The following ADAMTSL1 variants were observed in gnomAD, a reference collection of about 807,000 sequenced individuals.
ADAMTSL1 encodes ADAMTS like 1.
ADAMTSL1 carries 126 observed loss-of-function variants against 201.8 expected under a neutral mutation model. The observed-to-expected ratio is 0.62, with a 90% CI of 0.54 to 0.72. ADAMTSL1 has a LOEUF of 0.72. ADAMTSL1 is among the 30% of genes least tolerant of loss of function. The pLI, the probability that ADAMTSL1 is intolerant of heterozygous loss-of-function variation, is 0.00. For missense variants in ADAMTSL1, 2,679 were observed against 2,277.8 expected (o/e 1.18, Z -3.59); for synonymous variants, 1,121 against 903.4 (o/e 1.24, Z -4.32).
At chr9:18,023,992 C>T (rs1025491017) in intron 1 of ADAMTSL1, among the ~76,000 whole-genome samples, 4 of 151,948 alleles carry the variant, frequency 2.6e-5, no homozygotes, top group African/African-American at 9.7e-5. Context: ...GATCTTTATT[C>T]AAATGTCTCC....
intron 2 of ADAMTSL1, among the ~76,000 whole-genome samples, chr9:18,296,778 T>C (rs1308063059): frequency 6.6e-6 from 1 of 152,202 alleles, no homozygotes. Context: ...AGATCATCCT[T>C]GAGCAAGAAA....
intron 2 of ADAMTSL1, among the ~76,000 whole-genome samples, chr9:18,212,863 A>G (rs918707224): frequency 6.0e-4 from 91 of 152,238 alleles, no homozygotes; most frequent in African/African-American, 2.1e-3. Flanking sequence ...TTTCCCCACA[A>G]TGGTCATAAG....
At chr9:18,401,830 A>G (rs749223763) in intron 2 of ADAMTSL1, among the ~76,000 whole-genome samples, 4 of 152,176 alleles carry the variant, frequency 2.6e-5, no homozygotes, top group Non-Finnish European at 2.9e-5. Context: ...TGCTTCTGAT[A>G]TGCTTCCCCT....
intron 2 of ADAMTSL1, among the ~76,000 whole-genome samples, chr9:18,356,709 A>T (rs1042237646): frequency 2.0e-5 from 3 of 151,860 alleles, no homozygotes; most frequent in African/African-American, 7.3e-5. Flanking sequence ...CATATAACCA[A>T]AGTCAGGATG....
intron 1 of ADAMTSL1, among the ~76,000 whole-genome samples, chr9:18,119,960 A>G (rs79078589): frequency 0.02 from 3,050 of 152,316 alleles, 100 homozygotes; most frequent in African/African-American, 0.07. Flanking sequence ...AATTCATTAT[A>G]TATAGGCCAT....
At position 18,222,469 on chromosome 9, in the gene ADAMTSL1, T is replaced by C. The variant is rs145632343; in HGVS notation, c.207+58488T>C. Reference sequence around the variant, plus strand: ...ATCATCTAAGGTTAATAAATATCTTTAATCACCTTACAAATAAATTCATTT... The same window carrying C: ...ATCATCTAAGGTTAATAAATATCTTCAATCACCTTACAAATAAATTCATTT... On this transcript the variant is annotated intron_variant, in intron 2 of 29. Transcript: ENST00000680146. Among the ~76,000 whole-genome samples, 457 of 151,988 alleles carry C rather than the reference T, an allele frequency of 3.0e-3. 2 individuals carry two copies. Among genetic ancestry groups the C allele is most frequent in the African/African-American group, 0.011 (444 of 41,568 alleles).
At chr9:18,564,949 C>T (rs79295156) in intron 3 of ADAMTSL1, among the ~76,000 whole-genome samples, 1,892 of 152,246 alleles carry the variant, frequency 0.012, 17 homozygotes, top group Non-Finnish European at 0.022. Context: ...GGATTCCAAA[C>T]GTCTGCATTC....
intron 2 of ADAMTSL1, among the ~76,000 whole-genome samples, chr9:18,211,127 A>G (rs991504077): frequency 3.3e-5 from 5 of 152,134 alleles, no homozygotes; most frequent in African/African-American, 1.2e-4. Flanking sequence ...AAATTTTTAA[A>G]CACTCCTAAT....
chr9:18,728,011 A>C (rs1425854632), intron 15 of ADAMTSL1, among the ~76,000 whole-genome samples: 2 of 152,018 alleles, frequency 1.3e-5, no homozygotes, highest in Admixed American at 6.6e-5. Context: ...ACCCAGGAGG[A>C]GGAAGTTACG....
intron 3 of ADAMTSL1, among the ~76,000 whole-genome samples, chr9:18,566,323 A>G (rs1261192595): frequency 6.6e-6 from 1 of 152,202 alleles, no homozygotes; most frequent in Non-Finnish European, 1.5e-5. Flanking sequence ...CTGGTATGTA[A>G]CAGAAAGCCA....
chr9:17,931,006 C>G (rs1198536007), intron 1 of ADAMTSL1, among the ~76,000 whole-genome samples: 3 of 152,152 alleles, frequency 2.0e-5, no homozygotes, highest in African/African-American at 7.2e-5. Flanking sequence ...TCCCACATCA[C>G]CTGATAAGTC....
intron 1 of ADAMTSL1, among the ~76,000 whole-genome samples, chr9:18,085,517 T>C (rs1262143243): frequency 6.6e-6 from 1 of 151,020 alleles, no homozygotes; most frequent in Non-Finnish European, 1.5e-5. Flanking sequence ...TGCATATATA[T>C]ATACTGTATG....
At chr9:18,675,825 A>C in intron 9 of ADAMTSL1, 32 bp from the exon 10 acceptor site, 1 of 1,600,888 alleles carries the variant, frequency 6.2e-7, no homozygotes. Flanking sequence ...TGTACCTTCT[A>C]CTCAGAGGGT....
At chr9:18,019,842 G>A (rs1173729651) in intron 1 of ADAMTSL1, among the ~76,000 whole-genome samples, 3 of 152,048 alleles carry the variant, frequency 2.0e-5, no homozygotes, top group African/African-American at 7.2e-5. Flanking sequence ...ATAGAGTAGA[G>A]TCCAAAGCCT....
At chr9:17,993,439 A>G (rs949825585) in intron 1 of ADAMTSL1, among the ~76,000 whole-genome samples, 7 of 143,290 alleles carry the variant, frequency 4.9e-5, no homozygotes, top group African/African-American at 8.2e-5. Flanking sequence ...TACAAGGAAT[A>G]TAATAAGAGC....
At chr9:17,980,854 C>T (rs1818661590) in intron 1 of ADAMTSL1, among the ~76,000 whole-genome samples, 1 of 152,172 alleles carries the variant, frequency 6.6e-6, no homozygotes, top group Non-Finnish European at 1.5e-5. Context: ...ATTCTGACAT[C>T]TGCTTCTGAT....
At chr9:18,321,645 T>G (rs1355938554) in intron 2 of ADAMTSL1, among the ~76,000 whole-genome samples, 1 of 151,954 alleles carries the variant, frequency 6.6e-6, no homozygotes, top group African/African-American at 2.4e-5. Flanking sequence ...CACAAAAAAT[T>G]AGCCGGGCGT....
At chr9:18,341,995 C>T (rs1835483350) in intron 2 of ADAMTSL1, among the ~76,000 whole-genome samples, 2 of 152,132 alleles carry the variant, frequency 1.3e-5, no homozygotes, top group Non-Finnish European at 2.9e-5. Context: ...CCATATGATG[C>T]CGTATTCTGT....
At chr9:18,392,180 GTTTA>G (rs1392199945) in intron 2 of ADAMTSL1, among the ~76,000 whole-genome samples, 1 of 152,020 alleles carries the variant, frequency 6.6e-6, no homozygotes, top group Non-Finnish European at 1.5e-5. Context: ...ATAAATCTCA[GTTTA>G]TTTGTTACAA....
Sources: allele counts gnomAD v4.1 joint callset (sites outside exome capture counted in the v4.1 genomes callset), GRCh38; gene constraint gnomAD v4.1.1; transcripts MANE v1.5; gene names NCBI Gene and HGNC (gene_info 2026-07-23, HGNC 2026-07-21).